The following C2orf80 variants were observed in gnomAD, a reference collection of about 807,000 sequenced individuals.
The protein encoded by C2orf80 is chromosome 2 open reading frame 80.
In C2orf80, 28 loss-of-function variants were observed where a neutral mutation model predicts 30.2. The observed-to-expected ratio is 0.93, with a 90% CI of 0.69 to 1.27. The LOEUF is 1.27. C2orf80 is among the 50% of genes most tolerant of loss of function. The pLI is 0.00. For missense variants in C2orf80, 220 were observed against 231.0 expected (o/e 0.95, Z 0.31); for synonymous variants, 80 against 76.4 (o/e 1.05, Z -0.24).
At chr2:208,170,125 C>A (rs977465087) in intron 8 of C2orf80, among the ~76,000 whole-genome samples, 11 of 152,190 alleles carry the variant, frequency 7.2e-5, no homozygotes, top group African/African-American at 2.4e-4. Flanking sequence ...TATCAGTTCT[C>A]AAAGTTCCCT....
chr2:208,172,014 T>G lies in C2orf80; in HGVS notation c.428A>C (p.Lys143Thr). 6.2e-7 allele frequency: 1 copy of G among 1,613,922 alleles called. No homozygotes were observed. The highest frequency in any genetic ancestry group is 8.5e-7 in the Non-Finnish European group (1 of 1,179,858). The change falls in exon 7 of 9, where the codon AAA becomes ACA. Residue 143 changes from lysine to threonine, a missense_variant. Transcript: ENST00000341287. ...CTGTTTGCGGGCGTATGCTGCTGCTTTGGGTGCTGTTAACATGGCAAAGGG... is the reference window on the plus strand; with the variant it reads ...CTGTTTGCGGGCGTATGCTGCTGCTGTGGGTGCTGTTAACATGGCAAAGGG... ...LHPFAMLTAP[K>T]AAAYARKQSV...
intron 5 of C2orf80, 41 bp downstream of exon 5, chr2:208,181,177 T>C (rs1332445570): frequency 1.0e-5 from 13 of 1,281,838 alleles, no homozygotes; most frequent in Non-Finnish European, 1.5e-5. Context: ...TCAGAGTAGA[T>C]ATGAAATATT....
At chr2:208,178,060 C>G (rs1161028661) in intron 6 of C2orf80, among the ~76,000 whole-genome samples, 1 of 151,966 alleles carries the variant, frequency 6.6e-6, no homozygotes, top group African/African-American at 2.4e-5. Flanking sequence ...TCAGGTGATC[C>G]ACCCACCTCT....
chr2:208,167,095 G>A (rs1398612681), intron 8 of C2orf80, among the ~76,000 whole-genome samples: 2 of 152,150 alleles, frequency 1.3e-5, no homozygotes, highest in East Asian at 1.9e-4. Flanking sequence ...GTTATTAAGT[G>A]GGTAGCCTGG....
intron 6 of C2orf80, among the ~76,000 whole-genome samples, chr2:208,178,986 C>T (rs10189734): frequency 0.99 from 151,383 of 152,228 alleles, 75,277 homozygotes; most frequent in Middle Eastern, 1. Flanking sequence ...CTCAAACTCC[C>T]GACCTCAGGT....
intron 6 of C2orf80, among the ~76,000 whole-genome samples, chr2:208,174,629 T>G (rs1449433782): frequency 6.6e-6 from 1 of 152,184 alleles, no homozygotes; most frequent in Non-Finnish European, 1.5e-5. Context: ...TATTTACATA[T>G]GGGGAAATTG....
intron 1 of C2orf80, 92 bp downstream of exon 1, chr2:208,189,861 C>T: frequency 4.3e-6 from 3 of 691,718 alleles, no homozygotes; most frequent in Non-Finnish European, 7.9e-6. Context: ...CATGCAGGTT[C>T]CCTGCTGCAC....
intron 6 of C2orf80, among the ~76,000 whole-genome samples, chr2:208,175,376 A>AT (rs1466965079): frequency 6.6e-6 from 1 of 152,056 alleles, no homozygotes; most frequent in Non-Finnish European, 1.5e-5. Context: ...CTTTAGTTGA[A>AT]TTTTTTCTAT....
chr2:208,185,085 G>T, intron 2 of C2orf80, 53 bp from the exon 3 acceptor site: 1 of 1,361,778 alleles, frequency 7.3e-7, no homozygotes, highest in African/African-American at 1.5e-5. Flanking sequence ...GGCTCAGTCT[G>T]CAGAAAAAGG....
intron 6 of C2orf80, among the ~76,000 whole-genome samples, chr2:208,177,440 C>T (rs1032458728): frequency 1.3e-5 from 2 of 152,028 alleles, no homozygotes; most frequent in African/African-American, 4.8e-5. Flanking sequence ...ACTCAGGAGG[C>T]TGAGGCAGGA....
At position 208,165,726 on chromosome 2, in the gene C2orf80, A is replaced by C. The variant is rs752527569; in HGVS notation, c.*81T>G. 1 of 1,601,978 alleles carries C rather than the reference A, an allele frequency of 6.2e-7. No homozygotes were observed. The highest frequency in any genetic ancestry group is 8.5e-7 in the Non-Finnish European group (1 of 1,174,360). ...CAGTTGTAAAGAAAAATGTACTGGC[A>C]AGAGCTGTGGTTTTAAGATGATGCT... On this transcript the variant is annotated 3_prime_UTR_variant, in exon 9 of 9. Transcript: ENST00000341287.
At chr2:208,184,557 A>G (rs572701506) in intron 3 of C2orf80, among the ~76,000 whole-genome samples, 1 of 152,276 alleles carries the variant, frequency 6.6e-6, no homozygotes, top group East Asian at 1.9e-4. Context: ...AATAAATAAC[A>G]CCAAGGATTT....
In C2orf80 at chr2:208,181,312, G is replaced by C. The variant is rs1410961990; in HGVS notation, c.207-7C>G. Reference sequence around the variant, plus strand: ...GCCATGGAGTGGTATTTTCCTAATGGGGAATAGGAAATACAAGTGGAAGAT... The same window carrying C: ...GCCATGGAGTGGTATTTTCCTAATGCGGAATAGGAAATACAAGTGGAAGAT... On this transcript the variant is annotated splice_region_variant and splice_polypyrimidine_tract_variant and intron_variant, in intron 4 of 8. Transcript: ENST00000341287. 2.6e-6 allele frequency: 4 copies of C among 1,555,430 alleles called. No homozygotes were observed. The highest frequency in any genetic ancestry group is 3.5e-6 in the Non-Finnish European group (4 of 1,127,070).
At chr2:208,186,184 T>A (rs1189392947) in intron 2 of C2orf80, among the ~76,000 whole-genome samples, 1 of 152,212 alleles carries the variant, frequency 6.6e-6, no homozygotes, top group East Asian at 1.9e-4. Flanking sequence ...TGTGTATACA[T>A]GTATATATGT....
Position 208,185,775 on chromosome 2 carries a change from A to G in C2orf80, c.42-743T>C, listed in dbSNP as rs116050532. On this transcript the variant is annotated intron_variant, in intron 2 of 8. Coordinates refer to ENST00000341287, the MANE Select transcript of C2orf80 (RefSeq NM_001099334.3). The stretch of plus-strand genomic sequence containing the variant: ...GCTTTTCTTCTGAGTCATTAAGCTT[A>G]ACTAGATTGATAAAAATTCTTAAAT... Among the ~76,000 whole-genome samples the G allele has an allele frequency of 4.7e-3, 722 of 152,342 alleles. 5 individuals are homozygous for G. The highest frequency in any genetic ancestry group is 0.016 in the African/African-American group (676 of 41,584).
At chr2:208,177,578 C>G (rs540645727) in intron 6 of C2orf80, among the ~76,000 whole-genome samples, 2 of 151,966 alleles carry the variant, frequency 1.3e-5, no homozygotes, top group South Asian at 4.2e-4. Context: ...AACTAAAACA[C>G]AAAACAAATA....
chr2:208,166,888 G>A (rs936706654), intron 8 of C2orf80, among the ~76,000 whole-genome samples: 5 of 152,072 alleles, frequency 3.3e-5, no homozygotes, highest in Non-Finnish European at 5.9e-5. Context: ...CTGACCTCGT[G>A]ATCCGCCCGC....
intron 2 of C2orf80, 73 bp from the exon 3 acceptor site, chr2:208,185,105 T>C (rs948554594): frequency 3.1e-5 from 31 of 1,013,454 alleles, no homozygotes; most frequent in South Asian, 5.8e-5. Context: ...GCTTTTTTTT[T>C]TCCCATCCCT....
chr2:208,186,951 C>A lies in C2orf80; in HGVS notation c.36G>T (p.Lys12Asn). 2 of 1,613,790 alleles carry A rather than the reference C, an allele frequency of 1.2e-6. No individual in the cohort carries two copies. The highest frequency in any genetic ancestry group is 1.7e-6 in the Non-Finnish European group (2 of 1,179,690). Residue 12 changes from lysine (K) to asparagine (N), a missense_variant, in exon 2 of 9, where the codon AAG becomes AAT. Physicochemically the swap from Lys to Asn is moderately conservative, Grantham distance 94. Transcript: ENST00000341287. The part of the protein sequence containing the change: ...ERRLIKKEMK[K>N]LLGDYIGIRL... ...TTATTCTCAGTCATACTTACAAGAGCTTTTTCATTTCCTTCTTTATGAGCC... is the reference window on the plus strand; with the variant it reads ...TTATTCTCAGTCATACTTACAAGAGATTTTTCATTTCCTTCTTTATGAGCC...
Sources: gnomAD v4.1 joint callset for allele counts (sites outside exome capture counted in the v4.1 genomes callset) on GRCh38, gnomAD v4.1.1 for gene constraint, MANE v1.5 for transcripts, NCBI Gene and HGNC (gene_info 2026-07-23, HGNC 2026-07-21) for gene names.